EXD1: variants seen among roughly 807,000 people sequenced by gnomAD.
EXD1 encodes the protein exonuclease 3'-5' domain containing 1.
EXD1 carries 63 observed loss-of-function variants against 49.1 expected under a neutral mutation model. The observed-to-expected ratio is 1.28, with a 90% confidence interval of 1.05 to 1.58. EXD1 has a LOEUF of 1.58. Among genes scored for constraint, EXD1 ranks in the 40% most tolerant of loss-of-function variants. The probability of loss-of-function intolerance (pLI) is 0.00; values close to 1 mark genes in which losing one functional copy is unlikely to be tolerated. For synonymous variants in EXD1, 234 were observed against 239.2 expected, an observed-to-expected ratio of 0.98 and a Z score of 0.20; for missense variants, 748 against 666.0, an observed-to-expected ratio of 1.12 and a Z score of -1.36.
At chr15:41,189,800 G>A (rs1339680922) in intron 11 of EXD1, 137 bp downstream of exon 11, 2 of 745,862 alleles carry the variant, frequency 2.7e-6, no homozygotes, top group Non-Finnish European at 4.4e-6. Flanking sequence ...TCATGCCCAA[G>A]CTGTTGCCCC....
Position 41,184,119 on chromosome 15 carries a change from C to T in EXD1, c.1531G>A (p.Val511Met). 1 of 1,614,152 alleles carries T rather than the reference C, an allele frequency of 6.2e-7. No individual in the cohort carries two copies. Among genetic ancestry groups the T allele is most frequent in the African/African-American group, 1.3e-5 (1 of 75,046 alleles). Residue 511 changes from valine to methionine, a missense_variant, in exon 12 of 12, where the codon GTG becomes ATG. By Grantham distance (21) the Val-to-Met change is conservative (BLOSUM62 1). Transcript: ENST00000458580. Reference protein sequence around the residue: ...LKEETEQLLMVENKEDLKCTK... With the variant: ...LKEETEQLLMMENKEDLKCTK... ...CATTTTAAATCTTCCTTGTTTTCCA[C>T]CATCAATAACTGTTCTGTCTCCTCT...
chr15:41,217,132 T>C lies in EXD1; in HGVS notation c.225A>G (p.Glu75=), dbSNP rs139194920. The change falls in exon 4 of 12, where the codon GAA becomes GAG. Residue 75 remains glutamate, a synonymous_variant. Transcript: ENST00000458580. ...IVNVELLDEV[E]QGSVRAKASS... is the part of the protein sequence containing the mutation. ...ATGCTTTTGCTCTCACTGAGCCTTGTTCCACTTCATCTAGTAGTTCCACTG... is the reference window on the plus strand; with the variant it reads ...ATGCTTTTGCTCTCACTGAGCCTTGCTCCACTTCATCTAGTAGTTCCACTG... 54 of 1,612,356 alleles carry C rather than the reference T, an allele frequency of 3.3e-5. No individual in the cohort carries two copies. The highest frequency in any genetic ancestry group is 4.3e-5 in the Non-Finnish European group (51 of 1,179,914).
chr15:41,197,421 G>C (rs924981273), intron 7 of EXD1, among the ~76,000 whole-genome samples: 3 of 151,198 alleles, frequency 2.0e-5, no homozygotes, highest in African/African-American at 7.3e-5. Context: ...ATTTTTAGTA[G>C]ACATGAGGTT....
intron 2 of EXD1, among the ~76,000 whole-genome samples, chr15:41,224,834 A>C (rs981878339): frequency 2.0e-5 from 3 of 152,156 alleles, no homozygotes; most frequent in African/African-American, 7.2e-5. Context: ...GAGGTGTTAC[A>C]TAAGTGTAGT....
intron 1 of EXD1, 75 bp from the exon 2 acceptor site, chr15:41,226,703 T>C (rs2047169316): frequency 1.7e-6 from 2 of 1,157,986 alleles, no homozygotes; most frequent in African/African-American, 3.1e-5. Flanking sequence ...TTTCCCCATA[T>C]CTGTAATGGA....
chr15:41,219,713 G>A, intron 3 of EXD1, 117 bp downstream of exon 3: 1 of 779,120 alleles, frequency 1.3e-6, no homozygotes, highest in Non-Finnish European at 2.0e-6. Flanking sequence ...CAGTAAGAAG[G>A]ATCAATTCTC....
Position 41,183,936 on chromosome 15 carries a change from G to A in EXD1, c.1714C>T (p.Pro572Ser), listed in dbSNP as rs1253573352. The A allele has an allele frequency of 3.1e-6, 5 of 1,589,054 alleles. No individual in the cohort carries two copies. The highest frequency in any genetic ancestry group is 1.3e-5 in the African/African-American group (1 of 74,140). Residue 572 changes from proline (P) to serine (S), a missense_variant, in exon 12 of 12, where the codon CCC (proline) becomes TCC (serine). Physicochemically the swap from Pro to Ser is moderately conservative, Grantham distance 74. Coordinates refer to ENST00000458580, the MANE Select transcript of EXD1 (RefSeq NM_001286441.2). Reference sequence around the variant, plus strand: ...TAAGAACAAACTGCCCATCTCTAGGGCAGATTTAGAAAAGGACTTATCCAG... The same window carrying A: ...TAAGAACAAACTGCCCATCTCTAGGACAGATTTAGAAAAGGACTTATCCAG... ...DSWISPFLNL[P>S]
At chr15:41,200,998 CAA>C (rs1311432475) in intron 7 of EXD1, among the ~76,000 whole-genome samples, 4 of 151,742 alleles carry the variant, frequency 2.6e-5, no homozygotes, top group African/African-American at 9.7e-5. Context: ...CTTAGCCTCC[CAA>C]GTAGTTGGGG....
chr15:41,211,277 A>C (rs534425669), intron 6 of EXD1, among the ~76,000 whole-genome samples: 1 of 151,766 alleles, frequency 6.6e-6, no homozygotes, highest in South Asian at 2.1e-4. Context: ...ATGCCCAGCT[A>C]ATTTTTTGTA....
chr15:41,185,361 T>G (rs193184733), intron 11 of EXD1, among the ~76,000 whole-genome samples: 133 of 142,056 alleles, frequency 9.4e-4, no homozygotes, highest in Admixed American at 2.6e-3. Flanking sequence ...GTTTTGATTT[T>G]TTTAGACAGG....
chr15:41,201,614 C>T (rs982240974), intron 7 of EXD1, among the ~76,000 whole-genome samples: 11 of 151,316 alleles, frequency 7.3e-5, no homozygotes, highest in Non-Finnish European at 1.5e-4. Flanking sequence ...CTCAGCCTCC[C>T]GAGTAGCTGG....
At chr15:41,198,035 AAAATAAAG>A (rs958394385) in intron 7 of EXD1, among the ~76,000 whole-genome samples, 12 of 152,286 alleles carry the variant, frequency 7.9e-5, no homozygotes, top group African/African-American at 2.6e-4. Context: ...AAAAAAAATA[AAAATAAAG>A]AAATAAAGAA....
intron 1 of EXD1, 52 bp downstream of exon 1, chr15:41,230,427 C>G: frequency 6.3e-7 from 1 of 1,577,140 alleles, no homozygotes; most frequent in Non-Finnish European, 8.7e-7. Context: ...GAATAAAATG[C>G]AAAATTTCTC....
chr15:41,199,747 T>TATCA, intron 7 of EXD1, among the ~76,000 whole-genome samples: 1 of 99,762 alleles, frequency 1.0e-5, no homozygotes, highest in South Asian at 2.9e-4. Context: ...ATGTCATATA[T>TATCA]TATATATGAT....
At position 41,195,777 on chromosome 15, in the gene EXD1, G is replaced by A. The variant is rs1380751186; in HGVS notation, c.718C>T (p.Gln240Ter). 5.0e-6 allele frequency: 8 copies of A among 1,611,626 alleles called. No individual in the cohort carries two copies. The highest frequency in any genetic ancestry group is 5.9e-6 in the Non-Finnish European group (7 of 1,179,142). ...ATCCAGTGCTTCCCTTCATGTACCT[G>A]TGTGTCAAAGACATTATTCAGCAAA... Reference protein sequence around the residue: ...GILLNNVFDTQVADVLQFSME... With the variant: ...GILLNNVFDT The change falls in exon 9 of 12, where the codon CAG (glutamine) becomes TAG (stop). Residue 240 changes from glutamine (Q) to a stop codon, truncating the protein, a stop_gained and splice_region_variant. Transcript: ENST00000458580. LOFTEE classifies it high-confidence loss of function.
intron 10 of EXD1, 64 bp downstream of exon 10, chr15:41,191,378 G>A (rs2046512066): frequency 4.1e-6 from 6 of 1,473,552 alleles, no homozygotes; most frequent in Admixed American, 3.6e-5. Context: ...ATAACAGGCT[G>A]ATAATACTGC....
At chr15:41,199,423 CA>C (rs1252951076) in intron 7 of EXD1, among the ~76,000 whole-genome samples, 354 of 137,064 alleles carry the variant, frequency 2.6e-3, no homozygotes, top group African/African-American at 7.0e-3. Flanking sequence ...AAGAGTCTTT[CA>C]AAAAAAAAAA....
rs141489050 is a variant in EXD1 at position 41,221,350 on chromosome 15, C to T, written c.134-1452G>A. On this transcript the variant is annotated intron_variant, in intron 2 of 11. Coordinates refer to ENST00000458580, the MANE Select transcript of EXD1 (RefSeq NM_001286441.2). ...GCAGTGGCACAATCCTAGCTCACTG[C>T]AGCCTTGAACACCTGGGTTTAAGCA... 7.1e-4 allele frequency among the ~76,000 whole-genome samples: 108 copies of T among 152,294 alleles called. 3 individuals are homozygous for T. Among genetic ancestry groups the T allele is most frequent in the Middle Eastern group, 3.4e-3 (1 of 294 alleles).
intron 7 of EXD1, among the ~76,000 whole-genome samples, chr15:41,203,916 C>CCAAAAAA (rs2046774402): frequency 4.3e-5 from 1 of 23,246 alleles, no homozygotes; most frequent in Non-Finnish European, 6.5e-5. Context: ...GACTTCTCCT[C>CCAAAAAA]AAAAAAAAAA....
Sources: allele counts gnomAD v4.1 joint callset (sites outside exome capture counted in the v4.1 genomes callset), GRCh38; gene constraint gnomAD v4.1.1; transcripts MANE v1.5; gene names NCBI Gene and HGNC (gene_info 2026-07-23, HGNC 2026-07-21).